Variants in FAM193A observed in about 807,000 individuals in gnomAD.
FAM193A encodes the protein family with sequence similarity 193 member A, also known as protein FAM193A.
Under a neutral mutation model 126.5 loss-of-function variants are expected in FAM193A, and 22 were observed. That is an observed-to-expected ratio of 0.17 (90% confidence interval 0.12 to 0.25). FAM193A has a LOEUF of 0.25. Among genes scored for constraint, FAM193A ranks in the 10% least tolerant of loss-of-function variants. FAM193A has a pLI of 1.00. For missense variants in FAM193A, 1,675 were observed against 1,672.8 expected, an observed-to-expected ratio of 1.00 and a Z score of -0.02; for synonymous variants, 761 against 646.8, an observed-to-expected ratio of 1.18 and a Z score of -2.68.
intron 4 of FAM193A, among the ~76,000 whole-genome samples, chr4:2,627,804 G>A (rs1354717889): frequency 4.6e-5 from 7 of 150,744 alleles, no homozygotes; most frequent in Non-Finnish European, 7.4e-5. Flanking sequence ...GTGCAGTGGC[G>A]CAATCTGGGC....
chr4:2,604,883 G>C (rs964543304), intron 2 of FAM193A, among the ~76,000 whole-genome samples: 1 of 139,332 alleles, frequency 7.2e-6, no homozygotes, highest in Admixed American at 7.8e-5. Context: ...CTGCAGCCTC[G>C]ACCTCCTGGG....
intron 2 of FAM193A, among the ~76,000 whole-genome samples, chr4:2,614,051 G>A (rs897077548): frequency 3.3e-5 from 5 of 152,188 alleles, no homozygotes; most frequent in South Asian, 2.1e-4. Context: ...GGGATTACAG[G>A]CCTGAGCCAC....
At chr4:2,731,504 G>A (rs1721388039) in intron 20 of FAM193A, among the ~76,000 whole-genome samples, 1 of 151,982 alleles carries the variant, frequency 6.6e-6, no homozygotes, top group Non-Finnish European at 1.5e-5. Context: ...ATAATTTAAG[G>A]GCGCTCACAG....
intron 20 of FAM193A, chr4:2,720,059 C>T (rs570695489): frequency 2.4e-4 from 41 of 167,946 alleles, no homozygotes; most frequent in Non-Finnish European, 4.3e-4. Flanking sequence ...CCTCCCAAAG[C>T]GCCAGAATTA....
chr4:2,731,372 A>T (rs544379496), intron 20 of FAM193A, among the ~76,000 whole-genome samples: 1 of 151,970 alleles, frequency 6.6e-6, no homozygotes, highest in East Asian at 1.9e-4. Context: ...TCTCAAAAAA[A>T]AAAGGATTTC....
chr4:2,629,094 T>C (rs987404430), intron 4 of FAM193A, among the ~76,000 whole-genome samples: 1 of 152,090 alleles, frequency 6.6e-6, no homozygotes, highest in Non-Finnish European at 1.5e-5. Flanking sequence ...CCCAAAGTGC[T>C]GGGATTATAG....
At chr4:2,657,388 G>C (rs1711841416) in intron 7 of FAM193A, among the ~76,000 whole-genome samples, 1 of 151,992 alleles carries the variant, frequency 6.6e-6, no homozygotes, top group Non-Finnish European at 1.5e-5. Context: ...TGCTTTTTAA[G>C]TCTCATATGC....
intron 5 of FAM193A, among the ~76,000 whole-genome samples, chr4:2,634,763 A>G (rs1433719467): frequency 6.6e-6 from 1 of 152,242 alleles, no homozygotes; most frequent in African/African-American, 2.4e-5. Context: ...CTCTGGTTAT[A>G]GTATAATGAC....
intron 1 of FAM193A, among the ~76,000 whole-genome samples, chr4:2,583,586 T>G (rs1175883287): frequency 3.9e-5 from 6 of 152,206 alleles, no homozygotes; most frequent in Admixed American, 2.0e-4. Context: ...TTTCAGTGAT[T>G]GCCTCATGAG....
rs1717063650 is a variant in FAM193A at position 2,696,571 on chromosome 4, G to A, written c.3485G>A (p.Arg1162Gln). Residue 1162 changes from arginine to glutamine, a missense_variant, in exon 18 of 21, where the codon CGA becomes CAA. Coordinates refer to ENST00000637812, the MANE Select transcript of FAM193A (RefSeq NM_001366318.2). ...GTGAGCAGCACGCGTGCAGCGAAGC[G>A]AGCAAGGCATAAGCAAAGGAAGGCA... ...KPVSSTRAAK[R>Q]ARHKQRKLEE... 3 of 1,614,176 alleles carry A rather than the reference G, an allele frequency of 1.9e-6. No homozygotes were observed. The highest frequency in any genetic ancestry group is 2.5e-6 in the Non-Finnish European group (3 of 1,180,010).
intron 1 of FAM193A, among the ~76,000 whole-genome samples, chr4:2,578,016 C>G (rs961460509): frequency 5.3e-5 from 8 of 152,088 alleles, no homozygotes; most frequent in African/African-American, 1.7e-4. Flanking sequence ...ATGACTATCC[C>G]CTATTCCTCT....
chr4:2,646,159 C>CTTT (rs568447182), intron 6 of FAM193A, among the ~76,000 whole-genome samples: 5 of 69,120 alleles, frequency 7.2e-5, no homozygotes, highest in African/African-American at 1.7e-4. Context: ...TGAGCATCTC[C>CTTT]TTTTTTTTTT....
chr4:2,633,202 AGCCT>A (rs1743769560), intron 5 of FAM193A, among the ~76,000 whole-genome samples: 1 of 152,148 alleles, frequency 6.6e-6, no homozygotes, highest in Non-Finnish European at 1.5e-5. Flanking sequence ...GTTCAAGACC[AGCCT>A]GGCCAATATG....
chr4:2,681,706 C>T (rs1266460937), intron 13 of FAM193A, among the ~76,000 whole-genome samples: 1 of 152,218 alleles, frequency 6.6e-6, no homozygotes, highest in African/African-American at 2.4e-5. Context: ...TCAAGCAGTC[C>T]TCCTGCCTCA....
chr4:2,574,412 AC>A, intron 1 of FAM193A, among the ~76,000 whole-genome samples: 1 of 152,282 alleles, frequency 6.6e-6, no homozygotes, highest in African/African-American at 2.4e-5. Flanking sequence ...TGCAGATGCC[AC>A]CATACATAAA....
intron 19 of FAM193A, among the ~76,000 whole-genome samples, chr4:2,710,705 A>G (rs1718852681): frequency 6.6e-6 from 1 of 151,842 alleles, no homozygotes; most frequent in South Asian, 2.1e-4. Context: ...GCATTTTGCC[A>G]GATTGTCCAG....
At chr4:2,577,853 A>G (rs150473748) in intron 1 of FAM193A, among the ~76,000 whole-genome samples, 1 of 152,306 alleles carries the variant, frequency 6.6e-6, no homozygotes, top group African/African-American at 2.4e-5. Flanking sequence ...AATTAGAGCT[A>G]TGAACTTTAA....
intron 4 of FAM193A, among the ~76,000 whole-genome samples, chr4:2,629,558 A>C (rs1396073411): frequency 2.6e-5 from 4 of 152,252 alleles, no homozygotes; most frequent in African/African-American, 9.6e-5. Context: ...GTAATATGGC[A>C]ATTTAAAAAT....
At chr4:2,731,162 C>T (rs1721330832) in intron 20 of FAM193A, among the ~76,000 whole-genome samples, 1 of 134,712 alleles carries the variant, frequency 7.4e-6, no homozygotes, top group African/African-American at 2.9e-5. Flanking sequence ...TGCCATTGCA[C>T]TCTAGCCTGG....
Sources: gnomAD v4.1 joint callset for allele counts (sites outside exome capture counted in the v4.1 genomes callset) on GRCh38, gnomAD v4.1.1 for gene constraint, MANE v1.5 for transcripts, NCBI Gene and HGNC (gene_info 2026-07-23, HGNC 2026-07-21) for gene names.